EXOC3L2: variants seen among roughly 807,000 people sequenced by gnomAD.
EXOC3L2 encodes exocyst complex component 3 like 2, also known as exocyst complex component 3-like protein 2.
EXOC3L2 carries 17 observed loss-of-function variants against 44.4 expected under a neutral mutation model. That is an observed-to-expected ratio of 0.38 (90% CI 0.26 to 0.57). EXOC3L2 has a LOEUF of 0.57. Ranked by LOEUF, EXOC3L2 falls within the 20% of genes least tolerant of loss-of-function variation. The probability of loss-of-function intolerance (pLI) is 0.65; values close to 1 mark genes in which losing one functional copy is unlikely to be tolerated. For synonymous variants in EXOC3L2, 256 were observed against 253.7 expected (o/e 1.01, Z -0.09); for missense variants, 541 against 588.4 (o/e 0.92, Z 0.83).
chr19:45,225,942 C>T (rs35087817), intron 7 of EXOC3L2, among the ~76,000 whole-genome samples: 12,926 of 152,188 alleles, frequency 0.085, 744 homozygotes, highest in African/African-American at 0.16. Flanking sequence ...ATTATGATTA[C>T]TATTATTTGT....
chr19:45,221,545 C>A (rs998524577), intron 8 of EXOC3L2, among the ~76,000 whole-genome samples: 1 of 151,536 alleles, frequency 6.6e-6, no homozygotes, highest in Non-Finnish European at 1.5e-5. Context: ...GATGGGGTTT[C>A]ACCGTGTTGG....
chr19:45,236,041 G>C (rs938273676), intron 2 of EXOC3L2, among the ~76,000 whole-genome samples: 1 of 151,808 alleles, frequency 6.6e-6, no homozygotes, highest in Non-Finnish European at 1.5e-5. Flanking sequence ...GGGAGTTTAG[G>C]GTTAGGATGA....
At chr19:45,214,456 G>GTGTTTGTTTGTTTGTT (rs57770472) in intron 11 of EXOC3L2, among the ~76,000 whole-genome samples, 1 of 151,446 alleles carries the variant, frequency 6.6e-6, no homozygotes, top group African/African-American at 2.4e-5. Flanking sequence ...GTTTTTTTGT[G>GTGTTTGTTTGTTTGTT]TGTTTGTTTG....
chr19:45,226,874 T>C (rs1969968370), intron 7 of EXOC3L2, among the ~76,000 whole-genome samples: 2 of 148,876 alleles, frequency 1.3e-5, no homozygotes, highest in Non-Finnish European at 3.0e-5. Context: ...TGCCTCAGCC[T>C]TCGGAGTAGC....
chr19:45,222,654 A>G (rs1969910542), intron 8 of EXOC3L2, among the ~76,000 whole-genome samples: 1 of 152,064 alleles, frequency 6.6e-6, no homozygotes, highest in South Asian at 2.1e-4. Context: ...CAAAACATAC[A>G]TAGTGGTTTA....
intron 1 of EXOC3L2, among the ~76,000 whole-genome samples, chr19:45,242,400 G>A (rs185654557): frequency 7.7e-4 from 117 of 152,070 alleles, no homozygotes; most frequent in African/African-American, 2.7e-3. Flanking sequence ...AAGCAACGGG[G>A]ACATCCTGCT....
chr19:45,244,743 C>T (rs1032452407), intron 1 of EXOC3L2, among the ~76,000 whole-genome samples: 6 of 152,136 alleles, frequency 3.9e-5, no homozygotes, highest in Admixed American at 1.3e-4. Flanking sequence ...TCACCTCCAA[C>T]GCTCAGCATC....
intron 1 of EXOC3L2, among the ~76,000 whole-genome samples, chr19:45,243,739 C>A (rs1265462404): frequency 6.6e-6 from 1 of 152,154 alleles, no homozygotes; most frequent in African/African-American, 2.4e-5. Flanking sequence ...AGCGATTTCT[C>A]CTGCCTCAGC....
chr19:45,221,948 C>A (rs974180636), intron 8 of EXOC3L2, among the ~76,000 whole-genome samples: 2 of 151,574 alleles, frequency 1.3e-5, no homozygotes, highest in African/African-American at 4.9e-5. Context: ...CCACGCCCGG[C>A]CAGCTCTGTT....
At chr19:45,222,711 C>T (rs189859006) in intron 8 of EXOC3L2, among the ~76,000 whole-genome samples, 3 of 152,244 alleles carry the variant, frequency 2.0e-5, no homozygotes, top group Admixed American at 1.3e-4. Context: ...GCCTGGGTGA[C>T]AGAGCAAGAC....
intron 8 of EXOC3L2, among the ~76,000 whole-genome samples, chr19:45,220,507 C>A (rs1969885474): frequency 6.6e-6 from 1 of 151,976 alleles, no homozygotes; most frequent in Non-Finnish European, 1.5e-5. Context: ...ACTCTTTTTC[C>A]CCCTGCCCAA....
rs530109127 is a variant in EXOC3L2 at position 45,213,107 on chromosome 19, G to A, written c.2371C>T (p.Arg791Trp). The A allele has an allele frequency of 5.9e-5, 91 of 1,538,464 alleles. No homozygotes were observed. The highest frequency in any genetic ancestry group is 4.0e-4 in the Middle Eastern group (2 of 5,012). ...CGAGGTCGCGCTAGAGACGGAGGCC[G>A]GGGCCGAGGCAGACAGGCCAAACTG... The part of the protein sequence containing the change: ...RPSLACLPRP[R>W]PPSLARPRAQ... The change falls in exon 12 of 12, where the codon CGG becomes TGG. Residue 791 changes from arginine (R) to tryptophan (W), a missense_variant. By Grantham distance (101) the Arg-to-Trp change is moderately radical. Transcript: ENST00000413988.
intron 8 of EXOC3L2, among the ~76,000 whole-genome samples, chr19:45,220,117 G>A (rs1420825880): frequency 1.3e-5 from 2 of 152,032 alleles, no homozygotes; most frequent in East Asian, 1.9e-4. Context: ...AGGTTGCAGT[G>A]AGCTGAGATC....
chr19:45,231,711 AC>A (rs1175808883), intron 4 of EXOC3L2, 51 bp downstream of exon 4: 19 of 1,493,276 alleles, frequency 1.3e-5, no homozygotes, highest in Non-Finnish European at 1.6e-5. Flanking sequence ...GCCCACTGTG[AC>A]CCCCTCCCTC....
rs1970145193 is a variant in EXOC3L2 at position 45,243,338 on chromosome 19, A to G, written c.-17+2003T>C. ...ATGCAGACGTGCGGGGGTGGACAGG[A>G]GGCCTGGGAAGAGGGTGGTGTGCAA... On this transcript the variant is annotated intron_variant, in intron 1 of 11. Transcript: ENST00000413988. Among the ~76,000 whole-genome samples the G allele has an allele frequency of 2.0e-5, 3 of 152,248 alleles. No homozygotes were observed. The South Asian group carries it at 6.2e-4, about 32-fold the overall frequency.
intron 11 of EXOC3L2, among the ~76,000 whole-genome samples, chr19:45,215,820 C>A (rs1364388302): frequency 1.3e-5 from 2 of 152,198 alleles, no homozygotes; most frequent in Non-Finnish European, 2.9e-5. Context: ...CAGCCCTGCG[C>A]CCCCCTGCCC....
chr19:45,216,210 G>T lies in EXOC3L2; in HGVS notation c.1999-16C>A, dbSNP rs1357616901. 5 of 1,612,820 alleles carry T rather than the reference G, an allele frequency of 3.1e-6. No homozygotes were observed. The South Asian group carries it at 5.5e-5, about 18-fold the overall frequency. On this transcript the variant is annotated splice_polypyrimidine_tract_variant and intron_variant, in intron 10 of 11. Coordinates refer to ENST00000413988, the MANE Select transcript of EXOC3L2 (RefSeq NM_001382422.1). Reference sequence around the variant, plus strand: ...CCTGGGACTCCTGCAGGGGAGGGAGGGTGCGGGGTCACACCCTCCCAAGAT... The same window carrying T: ...CCTGGGACTCCTGCAGGGGAGGGAGTGTGCGGGGTCACACCCTCCCAAGAT...
chr19:45,218,158 T>TGCCCCCCCCC, intron 9 of EXOC3L2, 39 bp downstream of exon 9: 8 of 1,034,900 alleles, frequency 7.7e-6, no homozygotes, highest in Non-Finnish European at 1.1e-5. Context: ...TCCCCTCTTT[T>TGCCCCCCCCC]CCCCCACCCC....
rs1970101169 is a variant in EXOC3L2, at chr19:45,238,314, G to C, written c.523+209C>G. On this transcript the variant is annotated intron_variant, in intron 2 of 11. Coordinates refer to ENST00000413988, the MANE Select transcript of EXOC3L2 (RefSeq NM_001382422.1). This position sits in a 1 kb window ranked among gnomAD's most constrained non-coding sequence, Gnocchi z 5.5. ...ATATATTAACAGGTGGCACTGAAGA[G>C]AAAGGTTGACGACAGGGATTAGGAC... Among the ~76,000 whole-genome samples, 1 of 152,140 alleles carries C rather than the reference G, an allele frequency of 6.6e-6. No individual in the cohort carries two copies. Among genetic ancestry groups the C allele is most frequent in the African/African-American group, 2.4e-5 (1 of 41,424 alleles).
Sources: allele counts gnomAD v4.1 joint callset (sites outside exome capture counted in the v4.1 genomes callset), GRCh38; gene constraint gnomAD v4.1.1; non-coding constraint Gnocchi (gnomAD v3.1); transcripts MANE v1.5; gene names NCBI Gene and HGNC (gene_info 2026-07-23, HGNC 2026-07-21).